The following SH3PXD2B variants were observed in gnomAD, a reference collection of about 807,000 sequenced individuals.
SH3PXD2B encodes SH3 and PX domains 2B.
In SH3PXD2B, 37 loss-of-function variants were observed where a neutral mutation model predicts 73.1. The observed-to-expected ratio is 0.51, with a 90% CI of 0.39 to 0.67. The LOEUF (loss-of-function observed/expected upper bound fraction) is 0.67, where lower values mean the gene tolerates loss of function less well. SH3PXD2B is among the 30% of genes least tolerant of loss of function. SH3PXD2B has a pLI of 0.00. For missense variants in SH3PXD2B, 1,053 were observed against 1,197.8 expected (o/e 0.88, Z 1.78); for synonymous variants, 457 against 480.5 (o/e 0.95, Z 0.64).
Position 172,362,867 on chromosome 5 carries a change from C to A in SH3PXD2B, c.430G>T (p.Gly144Cys), listed in dbSNP as rs368080609. The A allele has an allele frequency of 2.2e-4, 360 of 1,614,094 alleles. 6 individuals carry two copies. In the East Asian group the frequency reaches 5.6e-3, roughly 25 times the overall value. Residue 144 changes from glycine to cysteine, a missense_variant and splice_region_variant, in exon 7 of 13, where the codon GGT (glycine) becomes TGT (cysteine). Gly to Cys is a radical substitution (Grantham distance 159). This residue lies in a region of SH3PXD2B where 466 missense variants were observed against 607.1 expected (regional missense o/e 0.77). Coordinates refer to ENST00000311601, the MANE Select transcript of SH3PXD2B (RefSeq NM_001017995.3). ...EEHIGKKKSG[G>C]DQTSVDPMVL... is the part of the protein sequence containing the mutation. ...ATGGGGTCCACTGAGGTTTGGTCAC[C>A]CCCTGTGGATAGGAAACAGACATGA...
chr5:172,388,119 G>T (rs553408427), intron 4 of SH3PXD2B, among the ~76,000 whole-genome samples: 3 of 152,326 alleles, frequency 2.0e-5, no homozygotes, highest in Admixed American at 2.0e-4. Flanking sequence ...TGTTTCAAGA[G>T]TCTGTCTATC....
chr5:172,346,098 G>A (rs373361777), intron 12 of SH3PXD2B, 38 bp downstream of exon 12: 1 of 1,613,550 alleles, frequency 6.2e-7, no homozygotes, highest in Non-Finnish European at 8.5e-7. Flanking sequence ...CTGGAATCAG[G>A]AATCACAAGT....
chr5:172,413,332 G>A (rs1181678249), intron 2 of SH3PXD2B, among the ~76,000 whole-genome samples: 3 of 152,170 alleles, frequency 2.0e-5, no homozygotes, highest in Non-Finnish European at 2.9e-5. Flanking sequence ...AATGTGTCTG[G>A]TGTCCTGATG....
rs563480653 is a variant in SH3PXD2B, at chr5:172,339,564, G to A, written c.1541C>T (p.Pro514Leu). The A allele has an allele frequency of 6.2e-7, 1 of 1,614,214 alleles. No homozygotes were observed. The highest frequency in any genetic ancestry group is 1.1e-5 in the South Asian group (1 of 91,092). ...ASAGYEEISD[P>L]DMEEKPSLPP... ...GAGGCTGGGCTTCTCCTCCATGTCG[G>A]GGTCTGAGATCTCCTCGTAGCCTGC... The change falls in exon 13 of 13, where the codon CCC becomes CTC. Residue 514 changes from proline (P) to leucine (L), a missense_variant. This residue lies in a region of SH3PXD2B where 587 missense variants were observed against 590.7 expected (regional missense o/e 0.99). Coordinates refer to ENST00000311601, the MANE Select transcript of SH3PXD2B (RefSeq NM_001017995.3). This position sits in a 1 kb window ranked among gnomAD's most constrained non-coding sequence, Gnocchi z 6.1.
intron 1 of SH3PXD2B, among the ~76,000 whole-genome samples, chr5:172,440,490 T>A (rs1022415797): frequency 1.3e-5 from 2 of 150,560 alleles, no homozygotes; most frequent in African/African-American, 4.9e-5. Flanking sequence ...AGGAAGAACA[T>A]CCCCAAAGTG....
At chr5:172,331,042 A>G (rs1252918595), downstream of SH3PXD2B, among the ~76,000 whole-genome samples, 2 of 151,770 alleles carry the variant, frequency 1.3e-5, no homozygotes, top group Non-Finnish European at 2.9e-5. Context: ...TAAAAATACA[A>G]AAATTAGCTT....
chr5:172,378,992 C>A lies in SH3PXD2B; in HGVS notation c.401+3044G>T, dbSNP rs567605047. ...GGCTGAGGCAGGAGAATGGTGTGAA[C>A]CTGGGAGGCGGAGCTTGCAGTGAGC... On this transcript the variant is annotated intron_variant, in intron 5 of 12. Transcript: ENST00000311601. Among the ~76,000 whole-genome samples the A allele has an allele frequency of 7.4e-5, 11 of 149,064 alleles. 1 individual carries two copies. Among genetic ancestry groups the A allele is most frequent in the African/African-American group, 2.7e-4 (11 of 40,214 alleles).
intron 1 of SH3PXD2B, among the ~76,000 whole-genome samples, chr5:172,439,688 G>GCACACA (rs1166130299): frequency 0.035 from 3,620 of 103,820 alleles, 60 homozygotes; most frequent in Non-Finnish European, 0.047. Context: ...GCGCGCACGC[G>GCACACA]CGCGCACACA....
At chr5:172,344,577 C>T (rs71609707) in intron 12 of SH3PXD2B, among the ~76,000 whole-genome samples, 3 of 106,586 alleles carry the variant, frequency 2.8e-5, no homozygotes, top group African/African-American at 3.8e-5. Flanking sequence ...AACAGAGGAG[C>T]GAGGCTCTGT....
At chr5:172,363,370 A>T (rs1410125539) in intron 6 of SH3PXD2B, among the ~76,000 whole-genome samples, 1 of 152,222 alleles carries the variant, frequency 6.6e-6, no homozygotes, top group African/African-American at 2.4e-5. Context: ...TACTCTAAAG[A>T]GTACAACGGT....
intron 12 of SH3PXD2B, 131 bp downstream of exon 12, chr5:172,346,005 G>A: frequency 7.2e-7 from 1 of 1,390,184 alleles, no homozygotes; most frequent in Non-Finnish European, 1.0e-6. Context: ...TATGGTATGT[G>A]AACCATAAAG....
intron 1 of SH3PXD2B, among the ~76,000 whole-genome samples, chr5:172,449,654 T>C (rs1475809334): frequency 3.9e-5 from 6 of 152,206 alleles, no homozygotes; most frequent in Admixed American, 3.9e-4. Flanking sequence ...TCAACCTCAC[T>C]GGTGTGAACA....
chr5:172,329,540 C>CTTTTTTTTTTTTTTTTT (rs370876232), downstream of SH3PXD2B, among the ~76,000 whole-genome samples: 84 of 106,436 alleles, frequency 7.9e-4, 4 homozygotes, highest in African/African-American at 1.9e-3. Flanking sequence ...CTTTGTTATT[C>CTTTTTTTTTTTTTTTTT]TTTTTTTTTT....
In SH3PXD2B at chr5:172,339,394, G is replaced by C; in HGVS notation, c.1711C>G (p.Pro571Ala). 6.2e-7 allele frequency: 1 copy of C among 1,614,208 alleles called. No individual in the cohort carries two copies. The highest frequency in any genetic ancestry group is 8.5e-7 in the Non-Finnish European group (1 of 1,180,038). Residue 571 changes from proline to alanine, a missense_variant, in exon 13 of 13, where the codon CCA (proline) becomes GCA (alanine). Coordinates refer to ENST00000311601, the MANE Select transcript of SH3PXD2B (RefSeq NM_001017995.3). This position sits in a 1 kb window ranked among gnomAD's most constrained non-coding sequence, Gnocchi z 6.1. ...LPMMPAKHIP[P>A]ARDSRRPEPK... ...TCTGGCCTCCTGCTGTCCCGGGCTG[G>C]AGGGATGTGTTTGGCTGGCATCATC...
At chr5:172,331,796 A>G (rs1319277308), downstream of SH3PXD2B, among the ~76,000 whole-genome samples, 1 of 149,452 alleles carries the variant, frequency 6.7e-6, no homozygotes, top group Non-Finnish European at 1.5e-5. Context: ...CATAAAAAAT[A>G]CAAAAGTTAG....
downstream of SH3PXD2B, among the ~76,000 whole-genome samples, chr5:172,332,697 C>G (rs1334826324): frequency 2.0e-5 from 3 of 152,102 alleles, no homozygotes; most frequent in Non-Finnish European, 4.4e-5. Context: ...CCTCCAAGTT[C>G]TTTTGTTCGG....
intron 10 of SH3PXD2B, among the ~76,000 whole-genome samples, chr5:172,347,969 G>A (rs1398016036): frequency 6.6e-6 from 1 of 152,184 alleles, no homozygotes; most frequent in Non-Finnish European, 1.5e-5. Context: ...AGGAGGATGA[G>A]GACTTTGCAG....
intron 6 of SH3PXD2B, among the ~76,000 whole-genome samples, chr5:172,368,672 A>G (rs1757621376): frequency 2.5e-5 from 1 of 39,770 alleles, no homozygotes; most frequent in African/African-American, 1.6e-4. Context: ...TTATATATAT[A>G]TAAAATATAT....
At chr5:172,387,548 C>T (rs982599100) in intron 4 of SH3PXD2B, among the ~76,000 whole-genome samples, 2 of 152,184 alleles carry the variant, frequency 1.3e-5, no homozygotes, top group Non-Finnish European at 2.9e-5. Flanking sequence ...TCAGCCTCTT[C>T]TTGAGGATTT....
Sources: allele counts gnomAD v4.1 joint callset (sites outside exome capture counted in the v4.1 genomes callset), GRCh38; gene constraint gnomAD v4.1.1; regional missense constraint gnomAD v4.1.1; non-coding constraint Gnocchi (gnomAD v3.1); transcripts MANE v1.5; gene names NCBI Gene and HGNC (gene_info 2026-07-23, HGNC 2026-07-21).